Variants in AMBN observed in about 807,000 individuals in gnomAD.
AMBN encodes the protein ameloblastin, also known as enamel matrix protein.
Under a neutral mutation model 48.0 loss-of-function variants are expected in AMBN, and 54 were observed. The ratio of observed to expected loss-of-function variants is 1.12; its 90% CI spans 0.90 to 1.41. The LOEUF (loss-of-function observed/expected upper bound fraction) is 1.41, where lower values mean the gene tolerates loss of function less well. AMBN is among the 40% of genes most tolerant of loss of function. The probability of loss-of-function intolerance (pLI) is 0.00; values close to 1 mark genes in which losing one functional copy is unlikely to be tolerated. For synonymous variants in AMBN, 186 were observed against 190.0 expected (o/e 0.98, Z 0.17); for missense variants, 571 against 547.3 (o/e 1.04, Z -0.43).
chr4:70,602,895 T>C (rs1737556259), intron 8 of AMBN, 59 bp downstream of exon 8: 2 of 1,532,380 alleles, frequency 1.3e-6, no homozygotes, highest in Non-Finnish European at 1.8e-6. Flanking sequence ...ATTTGTTCAC[T>C]TTGTCTATCT....
At chr4:70,593,586 C>T (rs989064954) in intron 2 of AMBN, among the ~76,000 whole-genome samples, 191 bp downstream of exon 2, 5 of 152,090 alleles carry the variant, frequency 3.3e-5, no homozygotes, top group African/African-American at 1.2e-4. Flanking sequence ...AAGTGATAGC[C>T]GGGTGCGGTG....
intron 6 of AMBN, 126 bp from the exon 7 acceptor site, chr4:70,602,498 T>G: frequency 1.5e-6 from 1 of 656,210 alleles, no homozygotes; most frequent in Non-Finnish European, 2.4e-6. Flanking sequence ...TTTAATTGTT[T>G]TATTGTAATT....
intron 2 of AMBN, among the ~76,000 whole-genome samples, chr4:70,595,447 A>G (rs1188040957): frequency 6.6e-6 from 1 of 152,022 alleles, no homozygotes; most frequent in African/African-American, 2.4e-5. Flanking sequence ...AGCCTCCCAA[A>G]GTTCCGGGAT....
chr4:70,595,061 C>G (rs1737358404), intron 2 of AMBN, among the ~76,000 whole-genome samples: 1 of 152,054 alleles, frequency 6.6e-6, no homozygotes, highest in South Asian at 2.1e-4. Context: ...TCTCACGATT[C>G]CCCCAAATTC....
chr4:70,593,252 T>C, intron 1 of AMBN, 75 bp from the exon 2 acceptor site: 8 of 1,256,850 alleles, frequency 6.4e-6, no homozygotes, highest in Non-Finnish European at 9.1e-6. Context: ...CTCAGGCTCA[T>C]TTTCAAAAAT....
At chr4:70,598,502 A>G (rs183407829) in intron 4 of AMBN, 99 bp downstream of exon 4, 5 of 954,438 alleles carry the variant, frequency 5.2e-6, no homozygotes, top group Non-Finnish European at 7.4e-6. Context: ...TAGACAATAT[A>G]CTAAAGATTG....
At position 70,606,171 on chromosome 4, in the gene AMBN, G is replaced by GC. The variant is rs1737638228; in HGVS notation, c.799-14_799-13insC. ...TGTGATGATGGCATCTTTGACGAAT[G>GC]TTTTTTTTTCCAGGGCGGGAGAGAA... On this transcript the variant is annotated splice_polypyrimidine_tract_variant and intron_variant, in intron 12 of 12. Transcript: ENST00000322937. 1.3e-6 allele frequency: 2 copies of GC among 1,594,730 alleles called. No homozygotes were observed. Among genetic ancestry groups the GC allele is most frequent in the Non-Finnish European group, 8.6e-7 (1 of 1,165,176 alleles).
At chr4:70,606,151 T>C in intron 12 of AMBN, 34 bp from the exon 13 acceptor site, 2 of 1,609,714 alleles carry the variant, frequency 1.2e-6, no homozygotes, top group Non-Finnish European at 8.5e-7. Context: ...TAGCATGTGA[T>C]GATGGCATCT....
chr4:70,602,486 A>T, intron 6 of AMBN, 138 bp from the exon 7 acceptor site: 1 of 619,000 alleles, frequency 1.6e-6, no homozygotes, highest in Non-Finnish European at 2.6e-6. Flanking sequence ...AATGAAACTC[A>T]TTTTAATTGT....
chr4:70,597,932 G>A (rs932415273), intron 3 of AMBN, among the ~76,000 whole-genome samples: 2 of 150,728 alleles, frequency 1.3e-5, no homozygotes, highest in South Asian at 4.3e-4. Flanking sequence ...TTATGGGAAA[G>A]AGGTAGAAGT....
At chr4:70,602,736 A>G (rs878919504) in intron 7 of AMBN, 62 bp from the exon 8 acceptor site, 1 of 1,441,448 alleles carries the variant, frequency 6.9e-7, no homozygotes, top group South Asian at 1.3e-5. Flanking sequence ...TTTTATTTTT[A>G]TTTGTATTTA....
At chr4:70,605,517 G>A (rs34367704) in intron 12 of AMBN, among the ~76,000 whole-genome samples, 39,331 of 152,022 alleles carry the variant, frequency 0.26, 5,532 homozygotes, top group Non-Finnish European at 0.31. Flanking sequence ...TGGCAGCAAA[G>A]GTAGAAAAAG....
At position 70,601,587 on chromosome 4, in the gene AMBN, T is replaced by G. The variant is rs765462447; in HGVS notation, c.464T>G (p.Leu155Trp). The part of the protein sequence containing the change: ...QPPIHLGHLP[L>W]QEGELPLVQQ... ...CCAATTCACCTGGGACATCTGCCCT[T>G]GCAGGAAGGAGAACTGCCTCTGGTT... The change falls in exon 6 of 13, where the codon TTG (leucine) becomes TGG (tryptophan). Residue 155 changes from leucine (L) to tryptophan (W), a missense_variant. Physicochemically the swap from Leu to Trp is moderately conservative, Grantham distance 61. Transcript: ENST00000322937. 1.9e-6 allele frequency: 3 copies of G among 1,614,162 alleles called. No individual in the cohort carries two copies. The highest frequency in any genetic ancestry group is 2.5e-6 in the Non-Finnish European group (3 of 1,179,994).
chr4:70,593,111 G>A (rs192802012), intron 1 of AMBN, among the ~76,000 whole-genome samples: 1 of 152,216 alleles, frequency 6.6e-6, no homozygotes, highest in African/African-American at 2.4e-5. Context: ...TTTAAAACGT[G>A]CTTAGATATT....
At chr4:70,596,044 C>A (rs1434668137) in intron 2 of AMBN, among the ~76,000 whole-genome samples, 1 of 151,988 alleles carries the variant, frequency 6.6e-6, no homozygotes, top group East Asian at 1.9e-4. Context: ...AATCCCAGCA[C>A]TTTGGGAGGC....
At chr4:70,598,062 T>C (rs898782055) in intron 3 of AMBN, among the ~76,000 whole-genome samples, 5 of 152,222 alleles carry the variant, frequency 3.3e-5, no homozygotes, top group African/African-American at 1.2e-4. Context: ...ATTACACTTA[T>C]ATTTCAATGG....
Position 70,606,630 on chromosome 4 carries a change from A to G in AMBN, c.1244A>G (p.Asp415Gly), listed in dbSNP as rs762064429. Residue 415 changes from aspartate to glycine, a missense_variant, in exon 13 of 13, where the codon GAT becomes GGT. Coordinates refer to ENST00000322937, the MANE Select transcript of AMBN (RefSeq NM_016519.6). ...GATTTCCAGGAAGAAGCAACCATGG[A>G]TACCACGATGGCCCCAAACTCTCTG... is the stretch of plus-strand genomic sequence containing the variant. Reference protein sequence around the residue: ...SVDFQEEATMDTTMAPNSLQT... With the variant: ...SVDFQEEATMGTTMAPNSLQT... 3 of 1,614,022 alleles carry G rather than the reference A, an allele frequency of 1.9e-6. No individual in the cohort carries two copies. The highest frequency in any genetic ancestry group is 2.5e-6 in the Non-Finnish European group (3 of 1,180,004).
intron 2 of AMBN, 62 bp from the exon 3 acceptor site, chr4:70,596,937 C>T: frequency 6.8e-7 from 1 of 1,473,380 alleles, no homozygotes; most frequent in Non-Finnish European, 9.5e-7. Flanking sequence ...ATCCTACGCC[C>T]AATGGGCATT....
intron 9 of AMBN, 23 bp from the exon 10 acceptor site, chr4:70,603,237 A>T: frequency 5.0e-6 from 8 of 1,607,788 alleles, no homozygotes; most frequent in Non-Finnish European, 6.0e-6. Flanking sequence ...AGAATTACTT[A>T]TTCTGTTTTC....
Sources: allele counts gnomAD v4.1 joint callset (sites outside exome capture counted in the v4.1 genomes callset), GRCh38; gene constraint gnomAD v4.1.1; transcripts MANE v1.5; gene names NCBI Gene and HGNC (gene_info 2026-07-23, HGNC 2026-07-21).